HYKK: variants seen among roughly 807,000 people sequenced by gnomAD.
HYKK encodes the protein 5-hydroxy-L-lysine kinase.
A neutral mutation model predicts 29.7 loss-of-function variants in HYKK; 19 were observed. The observed-to-expected ratio is 0.64, with a 90% confidence interval of 0.45 to 0.94. The LOEUF (loss-of-function observed/expected upper bound fraction) is 0.94. Ranked by LOEUF, HYKK falls within the 40% of genes least tolerant of loss-of-function variation. HYKK has a pLI of 0.00. For synonymous variants in HYKK, 152 were observed against 158.1 expected (o/e 0.96, Z 0.29); for missense variants, 390 against 443.4 (o/e 0.88, Z 1.08).
chr15:78,508,494 C>G (rs2052037394), intron 1 of HYKK, among the ~76,000 whole-genome samples: 1 of 151,948 alleles, frequency 6.6e-6, no homozygotes, highest in Non-Finnish European at 1.5e-5. Flanking sequence ...AAGTACAGAG[C>G]TTAAGTTCCA....
intron 3 of HYKK, among the ~76,000 whole-genome samples, chr15:78,523,631 A>G (rs1031245269): frequency 1.3e-5 from 2 of 152,178 alleles, no homozygotes; most frequent in Non-Finnish European, 1.5e-5. Context: ...TCAAAAGTCC[A>G]CAGTCCAAAG....
intron 1 of HYKK, among the ~76,000 whole-genome samples, chr15:78,510,324 T>C (rs1017337323): frequency 1.3e-5 from 2 of 151,840 alleles, no homozygotes; most frequent in Non-Finnish European, 2.9e-5. Context: ...GCTGGAATTA[T>C]AGGCGCCGGC....
In HYKK at chr15:78,517,669, C is replaced by T. The variant is rs78440530; in HGVS notation, c.477+2562C>T. ...TATAGTTTTCCTCATGTTTGTTATG[C>T]TTGTCATTCACTGGGATACCTTGAG... is the stretch of plus-strand genomic sequence containing the variant. On this transcript the variant is annotated intron_variant, in intron 3 of 4. Transcript: ENST00000388988. 8.5e-3 allele frequency among the ~76,000 whole-genome samples: 1,298 copies of T among 152,200 alleles called. 115 individuals carry two copies. The East Asian group carries it at 0.22, about 26-fold the overall frequency.
rs776905837 is a variant in HYKK, at chr15:78,513,219, A to C, written c.131A>C (p.Asp44Ala). Residue 44 changes from aspartate (D) to alanine (A), a missense_variant, in exon 2 of 5, where the codon GAT (aspartate) becomes GCT (alanine). Asp to Ala is a moderately radical substitution (Grantham distance 126). Transcript: ENST00000388988. ...VSKVRPLPSY[D>A]DQNFHVYVSK... Reference sequence around the variant, plus strand: ...AAGGTCCGGCCACTTCCTAGCTATGATGACCAAAACTTTCATGTCTACGTT... The same window carrying C: ...AAGGTCCGGCCACTTCCTAGCTATGCTGACCAAAACTTTCATGTCTACGTT... The C allele has an allele frequency of 2.5e-6, 4 of 1,614,200 alleles. No individual in the cohort carries two copies. Among genetic ancestry groups the C allele is most frequent in the Non-Finnish European group, 3.4e-6 (4 of 1,180,042 alleles).
chr15:78,532,415 G>A (rs140331861), intron 4 of HYKK, among the ~76,000 whole-genome samples: 341 of 152,300 alleles, frequency 2.2e-3, no homozygotes, highest in African/African-American at 7.6e-3. Context: ...ACTTTGAATA[G>A]TACTGACTTA....
chr15:78,518,354 T>C (rs553888742), intron 3 of HYKK, among the ~76,000 whole-genome samples: 3 of 152,140 alleles, frequency 2.0e-5, no homozygotes, highest in African/African-American at 7.2e-5. Flanking sequence ...TTGGTATTTG[T>C]AGTAGAGACA....
chr15:78,509,908 C>T (rs1051900906), intron 1 of HYKK, among the ~76,000 whole-genome samples: 1 of 152,166 alleles, frequency 6.6e-6, no homozygotes. Flanking sequence ...GTCAAGAAGG[C>T]ATTAACTTGC....
At position 78,533,946 on chromosome 15, in the gene HYKK, TAATCTCAC is replaced by T. The variant is rs1199265355; in HGVS notation, c.*279_*286del. The T allele has an allele frequency of 1.9e-5, 7 of 364,810 alleles. No homozygotes were observed. The highest frequency in any genetic ancestry group is 3.5e-5 in the Non-Finnish European group (7 of 202,570). The allele number at this position is 364,810 out of a possible 1,614,324, so 22.6% of individuals were successfully genotyped here. On this transcript the variant is annotated 3_prime_UTR_variant, in exon 5 of 5. Coordinates refer to ENST00000388988, the MANE Select transcript of HYKK (RefSeq NM_001013619.4). Reference sequence around the variant, plus strand: ...TATAATGATACCATTTTGAAGCAGATAATCTCACAAGATCTATTCCTGCCCTGAGATTA... The same window carrying T: ...TATAATGATACCATTTTGAAGCAGATAAGATCTATTCCTGCCCTGAGATTA...
In HYKK at chr15:78,527,433, T is replaced by C; in HGVS notation, c.531T>C (p.Asn177=). 1 of 1,614,102 alleles carries C rather than the reference T, an allele frequency of 6.2e-7. No homozygotes were observed. Among genetic ancestry groups the C allele is most frequent in the Middle Eastern group, 1.6e-4 (1 of 6,062 alleles). Residue 177 remains asparagine (N), a synonymous_variant, in exon 4 of 5, where the codon AAT becomes AAC. Transcript: ENST00000388988. ...TTCATCGGGAGAACTTCATCTGGAA[T>C]CTGAAAAATGTTCCTCTTCTGGAGA... ...SSLHRENFIW[N]LKNVPLLEKY... is the part of the protein sequence containing the mutation.
rs34680285 is a variant in HYKK at position 78,517,109 on chromosome 15, CTT to C, written c.477+2020_477+2021del. Among the ~76,000 whole-genome samples, 894 of 108,370 alleles carry C rather than the reference CTT, an allele frequency of 8.2e-3. 6 individuals carry two copies. The highest frequency in any genetic ancestry group is 0.024 in the African/African-American group (729 of 30,558). The allele number at this position is 108,370 out of a possible 152,430, so 71.1% of individuals were successfully genotyped here. On this transcript the variant is annotated intron_variant, in intron 3 of 4. Transcript: ENST00000388988. Reference sequence around the variant, plus strand: ...CTTTTCTTTCTTTCTTTCTTTCTTTCTTTTTTTTTTTTTTTTTTTCGAGACAG... The same window carrying C: ...CTTTTCTTTCTTTCTTTCTTTCTTTCTTTTTTTTTTTTTTTTTCGAGACAG...
chr15:78,526,165 A>AT (rs1400499882), intron 3 of HYKK, among the ~76,000 whole-genome samples: 3 of 152,168 alleles, frequency 2.0e-5, no homozygotes, highest in Non-Finnish European at 4.4e-5. Context: ...CAATTCCAGA[A>AT]TTTTTTAATT....
intron 3 of HYKK, among the ~76,000 whole-genome samples, chr15:78,521,612 G>A (rs116298107): frequency 3.2e-4 from 49 of 152,086 alleles, no homozygotes; most frequent in African/African-American, 1.2e-3. Context: ...TAGAAAAGCC[G>A]GAGAAGTCAG....
chr15:78,525,987 G>A (rs925929919), intron 3 of HYKK, among the ~76,000 whole-genome samples: 6 of 152,142 alleles, frequency 3.9e-5, no homozygotes, highest in Non-Finnish European at 1.5e-5. Flanking sequence ...ATCTTCCAGC[G>A]CTCACTCTGT....
At chr15:78,514,908 C>CTATATATATATATA (rs1555411228) in intron 2 of HYKK, 60 bp from the exon 3 acceptor site, 20 of 385,502 alleles carry the variant, frequency 5.2e-5, no homozygotes, top group African/African-American at 4.7e-4. Flanking sequence ...CTCTCTCTCT[C>CTATATATATATATA]TATATATATA....
chr15:78,513,732 ATATTTTTTGTTTGTTTCG>A (rs1397978816), intron 2 of HYKK, among the ~76,000 whole-genome samples: 1 of 152,040 alleles, frequency 6.6e-6, no homozygotes, highest in Non-Finnish European at 1.5e-5. Flanking sequence ...AATCAGGGGA[ATATTTTTTGTTTGTTTCG>A]TATTTTTTGT....
intron 3 of HYKK, among the ~76,000 whole-genome samples, chr15:78,525,436 G>C (rs1056875776): frequency 6.6e-6 from 1 of 151,626 alleles, no homozygotes; most frequent in Non-Finnish European, 1.5e-5. Context: ...GATTACAGGC[G>C]TGAGCCACCA....
chr15:78,533,189 A>G, intron 4 of HYKK, 21 bp from the exon 5 acceptor site: 1 of 1,430,464 alleles, frequency 7.0e-7, no homozygotes, highest in Admixed American at 1.8e-5. Context: ...AACTGTTTTT[A>G]CATGATTTTT....
rs1343739584 is a variant in HYKK, at chr15:78,515,588, T to G, written c.477+481T>G. 0.014 allele frequency among the ~76,000 whole-genome samples: 10 copies of G among 718 alleles called. No homozygotes were observed. In the Admixed American group the frequency reaches 0.23, roughly 17 times the overall value. 0.5% of individuals were successfully genotyped at this position (718 alleles called of 152,430 possible). A position where few individuals can be genotyped will look rare whatever the true frequency, so the allele number is the denominator to read the frequency against. The stretch of plus-strand genomic sequence containing the variant: ...CAGAGTGACACTGTCTCCAAAGAAA[T>G]TTTTTTTTTTTTTTTTTTGAGACAG... On this transcript the variant is annotated intron_variant, in intron 3 of 4. Coordinates refer to ENST00000388988, the MANE Select transcript of HYKK (RefSeq NM_001013619.4).
intron 1 of HYKK, among the ~76,000 whole-genome samples, chr15:78,510,350 A>ATT (rs370211819): frequency 8.0e-5 from 12 of 149,578 alleles, no homozygotes; most frequent in African/African-American, 2.9e-4. Context: ...TGCCCGGCTA[A>ATT]TTTTTTTTTT....
Sources: allele counts gnomAD v4.1 joint callset (sites outside exome capture counted in the v4.1 genomes callset), GRCh38; gene constraint gnomAD v4.1.1; transcripts MANE v1.5; gene names NCBI Gene and HGNC (gene_info 2026-07-23, HGNC 2026-07-21).